Variants in S100A8 observed in about 807,000 individuals in gnomAD.
S100A8 encodes the protein S100 calcium binding protein A8.
Under a neutral mutation model 4.2 loss-of-function variants are expected in S100A8, and 1 was observed. The observed-to-expected ratio is 0.24, with a 90% confidence interval of 0.08 to 1.12. S100A8 has a LOEUF of 1.12. S100A8 is among the 50% of genes most tolerant of loss of function. The probability of loss-of-function intolerance (pLI) is 0.53; values close to 1 mark genes in which losing one functional copy is unlikely to be tolerated. For synonymous variants in S100A8, 41 were observed against 44.7 expected (o/e 0.92, Z 0.33); for missense variants, 96 against 111.8 (o/e 0.86, Z 0.64).
chr1:153,397,606 G>A, the S100A8 span, among the ~76,000 whole-genome samples: 1 of 152,154 alleles, frequency 6.6e-6, no homozygotes, highest in Non-Finnish European at 1.5e-5. Flanking sequence ...CACTGGGCAG[G>A]GCGGGTGAGG....
the S100A8 span, among the ~76,000 whole-genome samples, chr1:153,404,911 G>A: frequency 1.3e-5 from 2 of 151,968 alleles, no homozygotes; most frequent in Non-Finnish European, 2.9e-5. Context: ...GGGCGAGGTG[G>A]GTGCTCGGTG....
chr1:153,396,863 C>G, the S100A8 span: 4 of 152,294 alleles, frequency 2.6e-5, no homozygotes, highest in African/African-American at 9.6e-5. Flanking sequence ...GTAACTGTGG[C>G]CTGGCCTTGC....
At chr1:153,392,966 T>C (rs1240263539), upstream of S100A8, among the ~76,000 whole-genome samples, 2 of 152,250 alleles carry the variant, frequency 1.3e-5, no homozygotes, top group African/African-American at 2.4e-5. Flanking sequence ...CCGGGAACTA[T>C]TCTAAGTGCT....
At chr1:153,404,573 A>G in the S100A8 span, among the ~76,000 whole-genome samples, 1 of 152,222 alleles carries the variant, frequency 6.6e-6, no homozygotes, top group African/African-American at 2.4e-5. Context: ...ATTTCGTATC[A>G]TCACAGGGAT....
At chr1:153,391,474 G>GT (rs1302825815), upstream of S100A8, among the ~76,000 whole-genome samples, 1 of 152,206 alleles carries the variant, frequency 6.6e-6, no homozygotes, top group Non-Finnish European at 1.5e-5. Flanking sequence ...CATGCACTCA[G>GT]TGAGAACATT....
At chr1:153,391,738 C>T (rs1302958451), upstream of S100A8, among the ~76,000 whole-genome samples, 1 of 152,106 alleles carries the variant, frequency 6.6e-6, no homozygotes, top group Non-Finnish European at 1.5e-5. Context: ...TGGACCATGC[C>T]CTGGGAGATG....
chr1:153,422,381 A>C, the S100A8 span: 29 of 383,426 alleles, frequency 7.6e-5, no homozygotes, highest in Non-Finnish European at 1.0e-4. Flanking sequence ...TATTAGTGTC[A>C]TATTGATCAG....
chr1:153,400,345 C>A, the S100A8 span, among the ~76,000 whole-genome samples: 1 of 152,238 alleles, frequency 6.6e-6, no homozygotes, highest in African/African-American at 2.4e-5. Flanking sequence ...CTACCTGGGC[C>A]CCTGAGTGAG....
At chr1:153,407,668 C>T in the S100A8 span, among the ~76,000 whole-genome samples, 1 of 152,192 alleles carries the variant, frequency 6.6e-6, no homozygotes, top group South Asian at 2.1e-4. Flanking sequence ...CAGACTGCCT[C>T]CTCAAGTGGG....
chr1:153,407,479 C>A, the S100A8 span, among the ~76,000 whole-genome samples: 1 of 152,238 alleles, frequency 6.6e-6, no homozygotes, highest in Non-Finnish European at 1.5e-5. Context: ...GAAGCGCGAA[C>A]TGGGTGGAGC....
chr1:153,418,493 G>T, the S100A8 span, among the ~76,000 whole-genome samples: 319 of 152,120 alleles, frequency 2.1e-3, no homozygotes, highest in Non-Finnish European at 3.5e-3. Context: ...CCCTCCCAGC[G>T]CTCACTGACC....
chr1:153,392,531 C>T (rs1662125385), upstream of S100A8, among the ~76,000 whole-genome samples: 2 of 152,214 alleles, frequency 1.3e-5, no homozygotes, highest in South Asian at 4.1e-4. Context: ...GATGTTTGTA[C>T]ATTCATGTTC....
At chr1:153,402,472 G>A in the S100A8 span, among the ~76,000 whole-genome samples, 1,854 of 152,280 alleles carry the variant, frequency 0.012, 40 homozygotes, top group African/African-American at 0.042. Context: ...GCTCAGGTAG[G>A]AGCCAGCCTG....
the S100A8 span, among the ~76,000 whole-genome samples, chr1:153,398,112 G>GT: frequency 5.9e-5 from 9 of 152,208 alleles, no homozygotes; most frequent in African/African-American, 2.2e-4. Flanking sequence ...CCTGGATGGA[G>GT]TGGCCTTGAG....
At chr1:153,417,092 T>G in the S100A8 span, 2 of 152,386 alleles carry the variant, frequency 1.3e-5, no homozygotes, top group Admixed American at 1.3e-4. Flanking sequence ...AGTCAGTTGC[T>G]GGCACGGAGC....
At chr1:153,421,367 A>G in the S100A8 span, 1 of 152,066 alleles carries the variant, frequency 6.6e-6, no homozygotes, top group East Asian at 1.9e-4. Flanking sequence ...GATTCCCCTA[A>G]TGTCTTTCCA....
At chr1:153,402,771 A>T in the S100A8 span, among the ~76,000 whole-genome samples, 1 of 152,358 alleles carries the variant, frequency 6.6e-6, no homozygotes, top group South Asian at 2.1e-4. Flanking sequence ...TTGACAAGTT[A>T]ACTGTAAAAA....
Position 153,391,029 on chromosome 1 carries a change from A to C in S100A8, c.-23+12T>G, listed in dbSNP as rs530696294. The C allele has an allele frequency of 9.1e-6, 9 of 987,514 alleles. No homozygotes were observed. The African/African-American group carries it at 1.6e-4, about 17-fold the overall frequency. 61.2% of individuals were successfully genotyped at this position (987,514 alleles called of 1,614,324 possible). On this transcript the variant is annotated intron_variant, in intron 1 of 2. Coordinates refer to ENST00000368733, the MANE Select transcript of S100A8 (RefSeq NM_002964.5). ...CCCAAAGTGCGGGGCCAACCCAGAC[A>C]GTCCCACTTACCAGGTCTTCTGAAA...
chr1:153,392,041 T>C (rs1438240587), upstream of S100A8, among the ~76,000 whole-genome samples: 1 of 152,190 alleles, frequency 6.6e-6, no homozygotes, highest in East Asian at 1.9e-4. Flanking sequence ...GCTTCCAACC[T>C]TGAAGACTGT....
Sources: allele counts gnomAD v4.1 joint callset (sites outside exome capture counted in the v4.1 genomes callset), GRCh38; gene constraint gnomAD v4.1.1; transcripts MANE v1.5; gene names NCBI Gene and HGNC (gene_info 2026-07-23, HGNC 2026-07-21).